Variants in RGS12 observed in about 807,000 individuals in gnomAD.
RGS12 encodes the protein regulator of G-protein signaling 12.
In RGS12, 66 loss-of-function variants were observed where a neutral mutation model predicts 120.1. The ratio of observed to expected loss-of-function variants is 0.55; its 90% CI spans 0.45 to 0.67. RGS12 has a LOEUF of 0.67. RGS12 is among the 30% of genes least tolerant of loss of function. The pLI is 0.00. For missense variants in RGS12, 1,859 were observed against 1,957.7 expected (o/e 0.95, Z 0.95); for synonymous variants, 827 against 804.7 (o/e 1.03, Z -0.47).
At chr4:3,370,899 T>C (rs1010747698) in intron 3 of RGS12, among the ~76,000 whole-genome samples, 1 of 152,226 alleles carries the variant, frequency 6.6e-6, no homozygotes, top group African/African-American at 2.4e-5. Flanking sequence ...ATTTTCCTCT[T>C]AAGGCTGTGT....
At position 3,372,639 on chromosome 4, in the gene RGS12, A is replaced by G. The variant is rs549287781; in HGVS notation, c.1999-13777A>G. 1.3e-4 allele frequency among the ~76,000 whole-genome samples: 20 copies of G among 152,308 alleles called. No individual in the cohort carries two copies. Among genetic ancestry groups the G allele is most frequent in the Middle Eastern group, 3.4e-3 (1 of 294 alleles). ...GCGGCCATCAGGGTGTGGTTTTGTG[A>G]CGTCTCAGGGTGTCCTTTCTTTCCT... On this transcript the variant is annotated intron_variant, in intron 3 of 17. Transcript: ENST00000336727. The surrounding 1 kb of genome is among the most constrained non-coding windows in gnomAD (Gnocchi z 4.3).
At chr4:3,343,887 A>G (rs761887836) in intron 3 of RGS12, among the ~76,000 whole-genome samples, 5 of 152,160 alleles carry the variant, frequency 3.3e-5, no homozygotes, top group African/African-American at 4.8e-5. Flanking sequence ...AACATGTGTC[A>G]TGTTTTCAAG....
At chr4:3,407,462 G>C (rs552437639) in intron 4 of RGS12, 1 of 152,320 alleles carries the variant, frequency 6.6e-6, no homozygotes, top group East Asian at 1.9e-4. Flanking sequence ...GCTCGGGGCC[G>C]CCCGGGCTCT....
chr4:3,437,051 C>CATCCCTGCCAGGGAAATGCTGGGCA lies in RGS12; in HGVS notation c.4115-2402_4115-2378dup, dbSNP rs1451300724. ...GGCTCTGCTGGGTCCTCTGTGTTGC[C>CATCCCTGCCAGGGAAATGCTGGGCA]ATCCCTGCCAGGGAAATGCTGGGCA... On this transcript the variant is annotated intron_variant, in intron 17 of 17. Transcript: ENST00000336727. Among the ~76,000 whole-genome samples the CATCCCTGCCAGGGAAATGCTGGGCA allele has an allele frequency of 2.0e-4, 31 of 152,190 alleles. 1 individual carries two copies.
At chr4:3,324,606 A>T (rs375246843) in intron 2 of RGS12, 1 of 153,190 alleles carries the variant, frequency 6.5e-6, no homozygotes. Context: ...AGGGCCCTTG[A>T]CAAAGTGGGC....
At chr4:3,434,340 A>T (rs1211833853) in intron 17 of RGS12, among the ~76,000 whole-genome samples, 1 of 152,020 alleles carries the variant, frequency 6.6e-6, no homozygotes, top group Non-Finnish European at 1.5e-5. Flanking sequence ...ATACCGGGGG[A>T]TTATCACAAT....
Position 3,316,397 on chromosome 4 carries a change from C to G in RGS12, c.227C>G (p.Ser76Cys). 2 of 1,614,150 alleles carry G rather than the reference C, an allele frequency of 1.2e-6. No homozygotes were observed. The highest frequency in any genetic ancestry group is 1.7e-6 in the Non-Finnish European group (2 of 1,180,040). Residue 76 changes from serine (S) to cysteine (C), a missense_variant, in exon 2 of 18, where the codon TCT (serine) becomes TGT (cysteine). Around this residue, in one of 3 missense-constraint regions of RGS12, gnomAD observed 967 missense variants for 994.2 expected, o/e 0.97. Transcript: ENST00000336727. The stretch of plus-strand genomic sequence containing the variant: ...AATGAAATCAACGTGAAAAAAGCAT[C>G]TCATGAAGATGTAGTGAAATTAATT... ...AVNEINVKKASHEDVVKLIGK... is the reference protein window; with the variant it reads ...AVNEINVKKACHEDVVKLIGK...
intron 4 of RGS12, chr4:3,412,989 GCGCCCCCACAC>G (rs1721903620): frequency 1.3e-5 from 2 of 148,942 alleles, no homozygotes; most frequent in South Asian, 2.2e-4. Flanking sequence ...AGGGACGGGG[GCGCCCCCACAC>G]TGCTCGCGTC....
At chr4:3,299,667 T>G (rs976872912) in intron 1 of RGS12, among the ~76,000 whole-genome samples, 2 of 152,202 alleles carry the variant, frequency 1.3e-5, no homozygotes, top group Non-Finnish European at 2.9e-5. Flanking sequence ...GAGCTAGCAC[T>G]CCAGTTAAAA....
intron 3 of RGS12, among the ~76,000 whole-genome samples, chr4:3,383,529 C>A (rs1352347514): frequency 6.6e-6 from 1 of 151,992 alleles, no homozygotes; most frequent in Non-Finnish European, 1.5e-5. Context: ...TTGCTCAAAC[C>A]CAGGAGGATT....
chr4:3,367,491 C>T (rs1716439584), intron 3 of RGS12, among the ~76,000 whole-genome samples: 2 of 152,272 alleles, frequency 1.3e-5, no homozygotes, highest in Admixed American at 6.5e-5. Flanking sequence ...CGACTCCCAC[C>T]AGGCACTGAG....
intron 3 of RGS12, chr4:3,370,282 A>G (rs952408815): frequency 9.3e-6 from 15 of 1,614,056 alleles, no homozygotes; most frequent in Admixed American, 1.7e-5. Context: ...ATTTGGGGAA[A>G]GAGTTGTCAA....
At chr4:3,340,493 C>T (rs886226061) in intron 2 of RGS12, among the ~76,000 whole-genome samples, 10 of 152,190 alleles carry the variant, frequency 6.6e-5, no homozygotes, top group Admixed American at 1.3e-4. Context: ...ATGAGGCGGG[C>T]GCCCGGGGTG....
intron 1 of RGS12, among the ~76,000 whole-genome samples, chr4:3,295,552 C>T (rs1039730319): frequency 6.7e-5 from 10 of 150,272 alleles, no homozygotes; most frequent in Admixed American, 2.0e-4. Context: ...CCCAGCTACT[C>T]GGGAGGCTGA....
At chr4:3,403,595 C>G (rs544788434) in intron 4 of RGS12, among the ~76,000 whole-genome samples, 2 of 152,340 alleles carry the variant, frequency 1.3e-5, no homozygotes, top group Admixed American at 1.3e-4. Context: ...TGAGGAGGTG[C>G]TATTCCAGAT....
intron 3 of RGS12, among the ~76,000 whole-genome samples, chr4:3,363,076 C>T (rs551965165): frequency 5.1e-5 from 7 of 136,924 alleles, no homozygotes; most frequent in Non-Finnish European, 7.9e-5. Flanking sequence ...ATAGTGTGTG[C>T]GCATGTGTGA....
intron 2 of RGS12, among the ~76,000 whole-genome samples, chr4:3,326,524 G>C (rs1402695253): frequency 6.6e-6 from 1 of 152,188 alleles, no homozygotes; most frequent in Non-Finnish European, 1.5e-5. Context: ...TGGGAAGTGT[G>C]AGCCACCGCC....
At chr4:3,291,415 C>T (rs779643887), upstream of RGS12, among the ~76,000 whole-genome samples, 21 of 146,318 alleles carry the variant, frequency 1.4e-4, no homozygotes, top group African/African-American at 1.8e-4. Flanking sequence ...GGCACAATCT[C>T]GGCTCACAGC....
chr4:3,375,417 A>G (rs867843764), intron 3 of RGS12, among the ~76,000 whole-genome samples: 2 of 77,070 alleles, frequency 2.6e-5, no homozygotes, highest in African/African-American at 4.5e-5. Flanking sequence ...CTCCAGCCTC[A>G]TCTCCAGCCC....
Sources: gnomAD v4.1 joint callset for allele counts (sites outside exome capture counted in the v4.1 genomes callset) on GRCh38, gnomAD v4.1.1 for gene constraint, gnomAD v4.1.1 regional missense constraint, Gnocchi (gnomAD v3.1) non-coding constraint, MANE v1.5 for transcripts, NCBI Gene and HGNC (gene_info 2026-07-23, HGNC 2026-07-21) for gene names.